SLIT1: variants seen among roughly 807,000 people sequenced by gnomAD.
SLIT1 encodes the protein slit homolog 1 protein.
Under a neutral mutation model 186.1 loss-of-function variants are expected in SLIT1, and 66 were observed. That is an observed-to-expected ratio of 0.35 (90% confidence interval 0.29 to 0.44). The LOEUF is 0.44. Among genes scored for constraint, SLIT1 ranks in the 20% least tolerant of loss-of-function variants. The pLI is 1.00. For missense variants in SLIT1, 1,638 were observed against 2,037.4 expected (o/e 0.80, Z 3.77); for synonymous variants, 761 against 833.8 (o/e 0.91, Z 1.50).
At chr10:97,116,250 A>C (rs1172379299) in intron 4 of SLIT1, among the ~76,000 whole-genome samples, 1 of 152,162 alleles carries the variant, frequency 6.6e-6, no homozygotes, top group Admixed American at 6.5e-5. Flanking sequence ...GAGGAGAAAG[A>C]GAAGGAAGAG....
intron 4 of SLIT1, among the ~76,000 whole-genome samples, chr10:97,075,973 AC>A (rs1849041803): frequency 6.6e-6 from 1 of 151,910 alleles, no homozygotes; most frequent in Non-Finnish European, 1.5e-5. Flanking sequence ...AGACACAGAC[AC>A]CCCTAGTGAG....
In SLIT1 at chr10:97,064,741, G is replaced by A. The variant is rs1038370386; in HGVS notation, c.557+64C>T. 6.4e-6 allele frequency: 8 copies of A among 1,252,138 alleles called. No individual in the cohort carries two copies. The South Asian group carries it at 8.4e-5, about 13-fold the overall frequency. The allele number at this position is 1,252,138 out of a possible 1,614,324, so 77.6% of individuals were successfully genotyped here. On this transcript the variant is annotated intron_variant, in intron 6 of 36. Transcript: ENST00000266058. ...CCCTGATGCCCGCTGCCTAGGCTGC[G>A]GCACTTGGCACCTGCCTAGCAGGGC...
At chr10:97,139,247 G>C (rs567365675) in intron 4 of SLIT1, among the ~76,000 whole-genome samples, 15 of 152,316 alleles carry the variant, frequency 9.8e-5, no homozygotes, top group African/African-American at 3.6e-4. Flanking sequence ...AAGTACTCAG[G>C]AGTCTAAGAC....
chr10:97,159,576 T>C (rs1444859046), intron 3 of SLIT1, among the ~76,000 whole-genome samples: 4 of 152,098 alleles, frequency 2.6e-5, no homozygotes, highest in Admixed American at 2.0e-4. Context: ...GAAAAAGGGA[T>C]TCAATGCCTA....
chr10:97,059,998 G>T, intron 10 of SLIT1, 89 bp downstream of exon 10: 1 of 1,133,200 alleles, frequency 8.8e-7, no homozygotes, highest in Non-Finnish European at 1.3e-6. Context: ...GTGGGGGGCT[G>T]AGTTAGGGCC....
chr10:97,060,322 A>G (rs1426196240), intron 9 of SLIT1, among the ~76,000 whole-genome samples, 164 bp from the exon 10 acceptor site: 1 of 152,206 alleles, frequency 6.6e-6, no homozygotes, highest in Admixed American at 6.5e-5. Context: ...CGGGACAGAC[A>G]GAGAAAATGC....
chr10:97,079,519 C>T (rs572088228), intron 4 of SLIT1, among the ~76,000 whole-genome samples: 1 of 152,228 alleles, frequency 6.6e-6, no homozygotes, highest in South Asian at 2.1e-4. Context: ...CCAGTGCCCT[C>T]CCTCTCCAGT....
intron 25 of SLIT1, among the ~76,000 whole-genome samples, chr10:97,023,731 T>C (rs557489419): frequency 1.4e-3 from 219 of 152,238 alleles, no homozygotes; most frequent in Middle Eastern, 3.4e-3. Flanking sequence ...TCACCTCAGG[T>C]CAGGAGTTCG....
Position 97,063,526 on chromosome 10 carries a change from T to C in SLIT1, c.722A>G (p.Gln241Arg). ...ACGCAGGCTGGCTGGGCCCGAGCAC[T>C]GGGTGAAGAGCCCGATGGTTGGCCG... ...RQRPTIGLFTQCSGPASLRGL... is the reference protein window; with the variant it reads ...RQRPTIGLFTRCSGPASLRGL... Residue 241 changes from glutamine to arginine, a missense_variant, in exon 8 of 37, where the codon CAG becomes CGG. This residue lies in a region of SLIT1 where 1,245 missense variants were observed against 1,535.3 expected (regional missense o/e 0.81). Coordinates refer to ENST00000266058, the MANE Select transcript of SLIT1 (RefSeq NM_003061.3). 1 of 1,613,212 alleles carries C rather than the reference T, an allele frequency of 6.2e-7. No homozygotes were observed. The highest frequency in any genetic ancestry group is 8.5e-7 in the Non-Finnish European group (1 of 1,179,910).
chr10:97,064,950 G>T (rs763802905), intron 5 of SLIT1, 74 bp from the exon 6 acceptor site: 7 of 1,172,960 alleles, frequency 6.0e-6, no homozygotes, highest in Admixed American at 2.0e-5. Flanking sequence ...TTCTGACCGC[G>T]TGCTCCATTC....
At position 97,185,846 on chromosome 10, in the gene SLIT1, T is replaced by A; in HGVS notation, c.-172A>T. On this transcript the variant is annotated 5_prime_UTR_variant, in exon 1 of 37. Transcript: ENST00000266058. ...CCTTGCTCCTCCAAGCGACGGCGCC[T>A]GTGCGCGGACGGAGGGAGGGCGCCT... 1.8e-6 allele frequency: 1 copy of A among 555,838 alleles called. No homozygotes were observed. Among genetic ancestry groups the A allele is most frequent in the Non-Finnish European group, 3.0e-6 (1 of 338,930 alleles). 34.4% of individuals were successfully genotyped at this position (555,838 alleles called of 1,614,324 possible). A position where few individuals can be genotyped will look rare whatever the true frequency, so the allele number is the denominator to read the frequency against.
intron 11 of SLIT1, 23 bp downstream of exon 11, chr10:97,059,437 G>A: frequency 6.2e-7 from 1 of 1,607,672 alleles, no homozygotes; most frequent in Non-Finnish European, 8.5e-7. Context: ...GGCCACTGAG[G>A]AAGCCTTGGC....
chr10:97,003,815 A>T (rs1166530422), intron 34 of SLIT1, among the ~76,000 whole-genome samples: 1 of 152,204 alleles, frequency 6.6e-6, no homozygotes, highest in Non-Finnish European at 1.5e-5. Context: ...TGTTGCAGAT[A>T]GCTCGGACAG....
intron 3 of SLIT1, among the ~76,000 whole-genome samples, chr10:97,159,824 C>T (rs1850002927): frequency 6.6e-6 from 1 of 152,164 alleles, no homozygotes; most frequent in African/African-American, 2.4e-5. Context: ...TGCCCTCACC[C>T]TCCTGACTCT....
chr10:97,002,111 T>G, intron 36 of SLIT1, 47 bp downstream of exon 36: 1 of 1,254,012 alleles, frequency 8.0e-7, no homozygotes, highest in Non-Finnish European at 1.1e-6. Flanking sequence ...GCTAAAGCAA[T>G]TTGTGGGGGA....
intron 13 of SLIT1, among the ~76,000 whole-genome samples, chr10:97,055,086 G>A (rs1372552729): frequency 2.0e-5 from 3 of 152,070 alleles, no homozygotes; most frequent in Non-Finnish European, 4.4e-5. Flanking sequence ...GCGTGGTGAC[G>A]GGCGCCTGTA....
At chr10:97,013,594 G>T (rs920591345) in intron 30 of SLIT1, 147 bp downstream of exon 30, 1 of 649,164 alleles carries the variant, frequency 1.5e-6, no homozygotes. Context: ...CCACAACCCC[G>T]CATGGATTCT....
intron 4 of SLIT1, among the ~76,000 whole-genome samples, chr10:97,146,318 T>G (rs1360386161): frequency 1.3e-5 from 2 of 152,034 alleles, no homozygotes; most frequent in Non-Finnish European, 2.9e-5. Flanking sequence ...AACTAGGAGG[T>G]GGTGAGTCCT....
intron 23 of SLIT1, among the ~76,000 whole-genome samples, chr10:97,033,781 G>A (rs1258999563): frequency 6.6e-6 from 1 of 151,738 alleles, no homozygotes; most frequent in Non-Finnish European, 1.5e-5. Context: ...TCCTCATAAA[G>A]TCAGGACAGC....
Sources: allele counts gnomAD v4.1 joint callset (sites outside exome capture counted in the v4.1 genomes callset), GRCh38; gene constraint gnomAD v4.1.1; regional missense constraint gnomAD v4.1.1; transcripts MANE v1.5; gene names NCBI Gene and HGNC (gene_info 2026-07-23, HGNC 2026-07-21).